SLC2A10: variants seen among roughly 807,000 people sequenced by gnomAD.
SLC2A10 encodes the protein solute carrier family 2 member 10, also known as solute carrier family 2, facilitated glucose transporter member 10.
In SLC2A10, 25 loss-of-function variants were observed where a neutral mutation model predicts 32.1. That is an observed-to-expected ratio of 0.78 (90% CI 0.57 to 1.09). The LOEUF (loss-of-function observed/expected upper bound fraction) is 1.09. SLC2A10 is among the 50% of genes least tolerant of loss of function. The pLI is 0.00. For synonymous variants in SLC2A10, 332 were observed against 309.6 expected (o/e 1.07, Z -0.76); for missense variants, 673 against 686.5 (o/e 0.98, Z 0.22).
Position 46,726,168 on chromosome 20 carries a change from C to T in SLC2A10, c.1132C>T (p.Pro378Ser), listed in dbSNP as rs928597934. ...LSTAKKTKPH[P>S]RSGDPSAPPR... ...CACTGCTAAGAAAACCAAGCCCCAT[C>T]CCAGATCTGGAGACCCCTCAGCCCC... The change falls in exon 2 of 5, where the codon CCC (proline) becomes TCC (serine). Residue 378 changes from proline (P) to serine (S), a missense_variant. Transcript: ENST00000359271. The T allele has an allele frequency of 1.9e-6, 3 of 1,614,148 alleles. No homozygotes were observed. In the African/African-American group the frequency reaches 4.0e-5, roughly 22 times the overall value.
chr20:46,722,053 G>T (rs1049957483), intron 1 of SLC2A10, among the ~76,000 whole-genome samples: 1 of 152,052 alleles, frequency 6.6e-6, no homozygotes, highest in African/African-American at 2.4e-5. Flanking sequence ...CTGACTCAAA[G>T]AATATTTTTA....
At position 46,721,452 on chromosome 20, in the gene SLC2A10, A is replaced by AG. The variant is rs1377536384; in HGVS notation, c.5-3589_5-3588insG. 6.1e-3 allele frequency among the ~76,000 whole-genome samples: 916 copies of AG among 150,072 alleles called. 13 individuals carry two copies. Among genetic ancestry groups the AG allele is most frequent in the African/African-American group, 0.02 (787 of 40,262 alleles). On this transcript the variant is annotated intron_variant, in intron 1 of 4. Transcript: ENST00000359271. The stretch of plus-strand genomic sequence containing the variant: ...CCTCAATTAGCAAAAAAAAAAAAAA[A>AG]AGAGAGAGAGAGACATTGCAGGTTT...
chr20:46,712,214 G>A (rs904517014), intron 1 of SLC2A10, among the ~76,000 whole-genome samples: 3 of 152,148 alleles, frequency 2.0e-5, no homozygotes, highest in African/African-American at 4.8e-5. Flanking sequence ...TTTGGAAGCC[G>A]GCCATCTGCA....
At chr20:46,721,144 G>A (rs1037006462) in intron 1 of SLC2A10, among the ~76,000 whole-genome samples, 2 of 152,332 alleles carry the variant, frequency 1.3e-5, no homozygotes, top group East Asian at 1.9e-4. Context: ...GGACTGAACA[G>A]TGTCATGGTA....
In SLC2A10 at chr20:46,736,303, A is replaced by G. The variant is rs912312577; in HGVS notation, c.*2469A>G. The G allele has an allele frequency of 6.6e-6, 1 of 152,212 alleles. No homozygotes were observed. Among genetic ancestry groups the G allele is most frequent in the African/African-American group, 2.4e-5 (1 of 41,446 alleles). 9.4% of individuals were successfully genotyped at this position (152,212 alleles called of 1,614,324 possible). A position where few individuals can be genotyped will look rare whatever the true frequency, so the allele number is the denominator to read the frequency against. ...ATATGGAATTTAGGATAGAATATTT[A>G]CAATAAAGAGTATTTACAATAAAGA... On this transcript the variant is annotated 3_prime_UTR_variant, in exon 5 of 5. Coordinates refer to ENST00000359271, the MANE Select transcript of SLC2A10 (RefSeq NM_030777.4).
chr20:46,725,600 T>G lies in SLC2A10; in HGVS notation c.564T>G (p.Gly188=). Reference sequence around the variant, plus strand: ...TCAGCCTCCTCTTCCTCCCTGCTGGTACAGATGAGACTGCAACACACAAGG... The same window carrying G: ...TCAGCCTCCTCTTCCTCCCTGCTGGGACAGATGAGACTGCAACACACAAGG... ...QSLSLLFLPA[G]TDETATHKDL... is the part of the protein sequence containing the mutation. The change falls in exon 2 of 5, where the codon GGT becomes GGG. Residue 188 remains glycine (G), a synonymous_variant. Transcript: ENST00000359271. 1 of 1,614,128 alleles carries G rather than the reference T, an allele frequency of 6.2e-7. No individual in the cohort carries two copies. The highest frequency in any genetic ancestry group is 8.5e-7 in the Non-Finnish European group (1 of 1,180,012).
At chr20:46,710,023 C>T (rs1004163718) in intron 1 of SLC2A10, 2 of 522,154 alleles carry the variant, frequency 3.8e-6, no homozygotes, top group Non-Finnish European at 6.7e-6. Flanking sequence ...CGCCCTGATC[C>T]GACAGCCCCA....
chr20:46,720,768 A>G (rs1600662614), intron 1 of SLC2A10, among the ~76,000 whole-genome samples: 2 of 152,212 alleles, frequency 1.3e-5, no homozygotes, highest in Admixed American at 1.3e-4. Context: ...TAACACACAG[A>G]TGTTGTAACA....
Position 46,734,630 on chromosome 20 carries a change from T to C in SLC2A10, c.*796T>C, listed in dbSNP as rs1980481801. 6.6e-6 allele frequency: 1 copy of C among 152,252 alleles called. No homozygotes were observed. Among genetic ancestry groups the C allele is most frequent in the South Asian group, 2.1e-4 (1 of 4,826 alleles). The allele number at this position is 152,252 out of a possible 1,614,324, so 9.4% of individuals were successfully genotyped here. ...AGAATATTTATCCTTCACCAGCAACTCTGACTCTTTGACGGGAGGCCTCAG... is the reference window on the plus strand; with the variant it reads ...AGAATATTTATCCTTCACCAGCAACCCTGACTCTTTGACGGGAGGCCTCAG... On this transcript the variant is annotated 3_prime_UTR_variant, in exon 5 of 5. Transcript: ENST00000359271.
chr20:46,725,303 C>T lies in SLC2A10; in HGVS notation c.267C>T (p.Ser89=), dbSNP rs747559824. ...LGSNLVLLAG[S]LTLGLAGSLA... Reference sequence around the variant, plus strand: ...GCAACTTGGTGCTGCTGGCAGGCAGCCTGACCCTGGGCCTGGCTGGTTCCC... The same window carrying T: ...GCAACTTGGTGCTGCTGGCAGGCAGTCTGACCCTGGGCCTGGCTGGTTCCC... The change falls in exon 2 of 5, where the codon AGC becomes AGT. Residue 89 remains serine (S), a synonymous_variant. Transcript: ENST00000359271. The T allele has an allele frequency of 1.2e-6, 2 of 1,614,090 alleles. No homozygotes were observed. Among genetic ancestry groups the T allele is most frequent in the Admixed American group, 3.3e-5 (2 of 60,030 alleles).
chr20:46,722,143 C>A (rs895037278), intron 1 of SLC2A10, among the ~76,000 whole-genome samples: 9 of 151,904 alleles, frequency 5.9e-5, no homozygotes, highest in African/African-American at 1.9e-4. Flanking sequence ...AAAAAAAAAA[C>A]CAGATCTGGC....
intron 3 of SLC2A10, among the ~76,000 whole-genome samples, chr20:46,727,833 C>G (rs2123057225): frequency 6.6e-6 from 1 of 152,254 alleles, no homozygotes; most frequent in South Asian, 2.1e-4. Flanking sequence ...CTGTGGTCCC[C>G]AAGGCACAGT....
chr20:46,729,633 T>TTTG lies in SLC2A10; in HGVS notation c.1547+147_1547+148insGTT, dbSNP rs1980178760. 3 of 220,038 alleles carry TTTG rather than the reference T, an allele frequency of 1.4e-5. No homozygotes were observed. The African/African-American group carries it at 1.5e-4, about 11-fold the overall frequency. 13.6% of individuals were successfully genotyped at this position (220,038 alleles called of 1,614,324 possible). ...TTGCCTGGGCACTATGAGTTTTTTT[T>TTTG]TTTTTTTTTTTTTTTTTTTTTTTTT... On this transcript the variant is annotated intron_variant, in intron 4 of 4. Transcript: ENST00000359271.
Position 46,725,735 on chromosome 20 carries a change from A to G in SLC2A10, c.699A>G (p.Thr233=). 6.2e-7 allele frequency: 1 copy of G among 1,614,174 alleles called. No homozygotes were observed. Among genetic ancestry groups the G allele is most frequent in the Non-Finnish European group, 8.5e-7 (1 of 1,180,028 alleles). The change falls in exon 2 of 5, where the codon ACA becomes ACG. Residue 233 remains threonine, a synonymous_variant. Coordinates refer to ENST00000359271, the MANE Select transcript of SLC2A10 (RefSeq NM_030777.4). ...RARDNMRGRT[T]VGLGLVLFQQ... is the part of the protein sequence containing the mutation. ...GCGATAACATGCGAGGCCGGACCAC[A>G]GTGGGCCTGGGGCTGGTGCTCTTCC...
At chr20:46,729,516 G>A (rs1568988461) in intron 4 of SLC2A10, 28 bp downstream of exon 4, 1 of 1,613,418 alleles carries the variant, frequency 6.2e-7, no homozygotes, top group Non-Finnish European at 8.5e-7. Flanking sequence ...TGGGTCTGGG[G>A]GAAGAGCTGT....
chr20:46,711,209 G>A (rs1462716930), intron 1 of SLC2A10, among the ~76,000 whole-genome samples: 1 of 152,236 alleles, frequency 6.6e-6, no homozygotes, highest in Non-Finnish European at 1.5e-5. Context: ...GAGAATCACA[G>A]TCGCTAACAC....
intron 4 of SLC2A10, among the ~76,000 whole-genome samples, chr20:46,729,792 G>A (rs577565485): frequency 2.0e-4 from 31 of 151,914 alleles, no homozygotes; most frequent in South Asian, 1.9e-3. Flanking sequence ...ACAGGCGCCC[G>A]CCACCACGCC....
In SLC2A10 at chr20:46,734,294, ATTTT is replaced by A. The variant is rs3091691; in HGVS notation, c.*469_*472del. On this transcript the variant is annotated 3_prime_UTR_variant, in exon 5 of 5. Transcript: ENST00000359271. ...GGAAGTCTCTTTTTTTACTCTTATCATTTTTTTTTTTTGAGGTGGAGTCTCATTC... is the reference window on the plus strand; with the variant it reads ...GGAAGTCTCTTTTTTTACTCTTATCATTTTTTTTGAGGTGGAGTCTCATTC... 2.3e-3 allele frequency: 440 copies of A among 188,540 alleles called. 5 individuals are homozygous for A. The highest frequency in any genetic ancestry group is 9.8e-3 in the African/African-American group (396 of 40,584). 11.7% of individuals were successfully genotyped at this position (188,540 alleles called of 1,614,324 possible).
chr20:46,709,703 A>G lies in SLC2A10; in HGVS notation c.-34A>G. ...GCGGGGGATGCGCGCCCGGCCCCTC[A>G]GCGCCCCCAGCACGCCGCCGAGTCC... On this transcript the variant is annotated 5_prime_UTR_variant, in exon 1 of 5. Transcript: ENST00000359271. 1 of 1,539,312 alleles carries G rather than the reference A, an allele frequency of 6.5e-7. No homozygotes were observed. The highest frequency in any genetic ancestry group is 1.2e-5 in the South Asian group (1 of 83,090).
Sources: gnomAD v4.1 joint callset for allele counts (sites outside exome capture counted in the v4.1 genomes callset) on GRCh38, gnomAD v4.1.1 for gene constraint, MANE v1.5 for transcripts, NCBI Gene and HGNC (gene_info 2026-07-23, HGNC 2026-07-21) for gene names.